The following CADM2 variants were observed in gnomAD, a reference collection of about 807,000 sequenced individuals.
The protein encoded by CADM2 is immunoglobulin superfamily member 4D.
A neutral mutation model predicts 49.8 loss-of-function variants in CADM2; 12 were observed. That is an observed-to-expected ratio of 0.24 (90% CI 0.15 to 0.39). CADM2 has a LOEUF of 0.39. Among genes scored for constraint, CADM2 ranks in the 10% least tolerant of loss-of-function variants. The pLI, the probability that CADM2 is intolerant of heterozygous loss-of-function variation, is 1.00. For missense variants in CADM2, 378 were observed against 492.3 expected (o/e 0.77, Z 2.20); for synonymous variants, 214 against 175.4 (o/e 1.22, Z -1.74).
chr3:85,878,528 A>G (rs1183656452), intron 3 of CADM2, among the ~76,000 whole-genome samples: 1 of 152,082 alleles, frequency 6.6e-6, no homozygotes, highest in Non-Finnish European at 1.5e-5. Context: ...ACCCCAAATA[A>G]TTTTAAAATG....
intron 1 of CADM2, among the ~76,000 whole-genome samples, chr3:85,154,902 C>T (rs2040053695): frequency 6.6e-6 from 1 of 151,564 alleles, no homozygotes; most frequent in Non-Finnish European, 1.5e-5. Context: ...GAGATTTTGT[C>T]ACCACCCGGC....
Position 85,900,152 on chromosome 3 carries a change from T to C in CADM2, c.530-12221T>C, listed in dbSNP as rs367812410. On this transcript the variant is annotated intron_variant, in intron 5 of 9. Transcript: ENST00000383699. ...CCATCTCTAAGAGATCATTTTTCAT[T>C]ATGATGTTCAATTGTTTTAAAAATT... Among the ~76,000 whole-genome samples, 7 of 152,230 alleles carry C rather than the reference T, an allele frequency of 4.6e-5. No individual in the cohort carries two copies. The East Asian group carries it at 9.6e-4, about 21-fold the overall frequency.
At chr3:85,910,184 T>C (rs1717397923) in intron 5 of CADM2, among the ~76,000 whole-genome samples, 1 of 152,176 alleles carries the variant, frequency 6.6e-6, no homozygotes, top group South Asian at 2.1e-4. Flanking sequence ...GCAGCTGTTA[T>C]AAAAAGTAAA....
intron 1 of CADM2, among the ~76,000 whole-genome samples, chr3:85,141,724 C>T (rs1050978069): frequency 6.6e-6 from 1 of 152,090 alleles, no homozygotes; most frequent in African/African-American, 2.4e-5. Flanking sequence ...TCAGATAAAA[C>T]CCACAATTAT....
chr3:85,613,385 T>C lies in CADM2; in HGVS notation c.62-113137T>C, dbSNP rs558527573. On this transcript the variant is annotated intron_variant, in intron 1 of 9. Coordinates refer to ENST00000383699, the MANE Select transcript of CADM2 (RefSeq NM_001167675.2). ...AATTGCATTACATTTTTCTCATATG[T>C]ATGGTATTTTCCACCCATTATGCCT... is the stretch of plus-strand genomic sequence containing the variant. 2.6e-5 allele frequency among the ~76,000 whole-genome samples: 4 copies of C among 151,862 alleles called. No homozygotes were observed. The East Asian group carries it at 5.8e-4, about 22-fold the overall frequency.
intron 1 of CADM2, among the ~76,000 whole-genome samples, chr3:85,589,222 C>G (rs990152550): frequency 6.6e-6 from 1 of 151,968 alleles, no homozygotes; most frequent in African/African-American, 2.4e-5. Context: ...GCTTGACTAA[C>G]TGCCCAGATG....
chr3:85,552,598 T>G (rs1257626581), intron 1 of CADM2, among the ~76,000 whole-genome samples: 1 of 151,886 alleles, frequency 6.6e-6, no homozygotes, highest in Non-Finnish European at 1.5e-5. Context: ...GCCAGGATGG[T>G]CTTGATCTCC....
intron 1 of CADM2, among the ~76,000 whole-genome samples, chr3:85,267,939 G>T (rs964463302): frequency 1.3e-5 from 2 of 151,608 alleles, no homozygotes; most frequent in Admixed American, 1.3e-4. Context: ...TATTGAAAGG[G>T]TATGTAAAAC....
rs751241043 is a variant in CADM2 at position 85,009,877 on chromosome 3, A to AAAT, written c.61+50212_61+50214dup. Among the ~76,000 whole-genome samples the AAAT allele has an allele frequency of 1.1e-3, 156 of 144,778 alleles. 1 individual carries two copies. Among genetic ancestry groups the AAAT allele is most frequent in the Non-Finnish European group, 2.1e-3 (134 of 64,204 alleles). 95.0% of individuals were successfully genotyped at this position (144,778 alleles called of 152,430 possible). ...CAAGATTCTATCTCAATAAATAAAT[A>AAAT]AATAAATAAATAAATAAATAAATAA... On this transcript the variant is annotated intron_variant, in intron 1 of 9. Transcript: ENST00000383699.
chr3:85,729,190 T>C (rs2067833553), intron 2 of CADM2, among the ~76,000 whole-genome samples: 1 of 152,190 alleles, frequency 6.6e-6, no homozygotes, highest in African/African-American at 2.4e-5. Context: ...CTGTACATAC[T>C]TCATTTTTTA....
intron 1 of CADM2, among the ~76,000 whole-genome samples, chr3:85,316,839 T>A (rs111271368): frequency 6.6e-6 from 1 of 152,156 alleles, no homozygotes; most frequent in African/African-American, 2.4e-5. Flanking sequence ...ATGCAGCTAA[T>A]CTCAAAAGAA....
At chr3:85,596,675 T>C (rs2063249615) in intron 1 of CADM2, among the ~76,000 whole-genome samples, 1 of 152,046 alleles carries the variant, frequency 6.6e-6, no homozygotes, top group Admixed American at 6.6e-5. Context: ...TATAGAACAT[T>C]TCCATCATCT....
chr3:85,454,341 AG>A (rs747598731), intron 1 of CADM2, among the ~76,000 whole-genome samples: 5 of 151,590 alleles, frequency 3.3e-5, no homozygotes, highest in Non-Finnish European at 7.4e-5. Context: ...AAAAATAAAA[AG>A]TTTTTAAAAA....
intron 2 of CADM2, among the ~76,000 whole-genome samples, chr3:85,779,214 A>G (rs927172789): frequency 6.6e-6 from 1 of 152,064 alleles, no homozygotes; most frequent in Non-Finnish European, 1.5e-5. Context: ...TTTTTAATCA[A>G]TGCAATGACT....
intron 2 of CADM2, among the ~76,000 whole-genome samples, chr3:85,797,292 A>T (rs902801401): frequency 1.3e-5 from 2 of 151,986 alleles, no homozygotes; most frequent in African/African-American, 4.8e-5. Flanking sequence ...GTTCTGGCAT[A>T]CACGTGCAGA....
intron 1 of CADM2, among the ~76,000 whole-genome samples, chr3:85,053,810 C>T (rs1023275560): frequency 1.3e-5 from 2 of 151,900 alleles, no homozygotes; most frequent in African/African-American, 4.8e-5. Context: ...ATAAATATGT[C>T]TTTACCATCT....
chr3:85,299,123 G>A (rs2044034310), intron 1 of CADM2, among the ~76,000 whole-genome samples: 1 of 151,780 alleles, frequency 6.6e-6, no homozygotes, highest in Non-Finnish European at 1.5e-5. Flanking sequence ...TTGCTTTATT[G>A]TGTCTAAAGA....
intron 1 of CADM2, among the ~76,000 whole-genome samples, chr3:85,074,106 A>G (rs1575812416): frequency 1.3e-5 from 2 of 152,078 alleles, no homozygotes; most frequent in African/African-American, 4.8e-5. Flanking sequence ...AGCTGTATTT[A>G]CCAGAGCTCC....
intron 3 of CADM2, among the ~76,000 whole-genome samples, chr3:85,882,480 G>T (rs1368647836): frequency 1.3e-5 from 2 of 152,008 alleles, no homozygotes; most frequent in African/African-American, 2.4e-5. Flanking sequence ...GATTTTCCTC[G>T]GGTGCTGGTG....
Sources: gnomAD v4.1 joint callset for allele counts (sites outside exome capture counted in the v4.1 genomes callset) on GRCh38, gnomAD v4.1.1 for gene constraint, MANE v1.5 for transcripts, NCBI Gene and HGNC (gene_info 2026-07-23, HGNC 2026-07-21) for gene names.